The following GMPR variants were observed in gnomAD, a reference collection of about 807,000 sequenced individuals.
GMPR encodes guanosine monophosphate reductase.
In GMPR, 31 loss-of-function variants were observed where a neutral mutation model predicts 38.4. The ratio of observed to expected loss-of-function variants is 0.81; its 90% CI spans 0.61 to 1.09. The LOEUF (loss-of-function observed/expected upper bound fraction) is 1.09. Among genes scored for constraint, GMPR ranks in the 50% least tolerant of loss-of-function variants. GMPR has a pLI of 0.00. For missense variants in GMPR, 468 were observed against 453.7 expected, an observed-to-expected ratio of 1.03 and a Z score of -0.29; for synonymous variants, 162 against 173.3, an observed-to-expected ratio of 0.93 and a Z score of 0.51.
chr6:16,250,521 T>C (rs1300158126), intron 3 of GMPR, among the ~76,000 whole-genome samples, 154 bp downstream of exon 3: 11 of 152,208 alleles, frequency 7.2e-5, no homozygotes, highest in Admixed American at 7.2e-4. Flanking sequence ...TGAGAAAACT[T>C]GTTTCCATAT....
Position 16,250,333 on chromosome 6 carries a change from A to C in GMPR, c.257A>C (p.Lys86Thr), listed in dbSNP as rs1295755544. The stretch of plus-strand genomic sequence containing the variant: ...AAGCATTACTCCCTGGATGACTGGA[A>C]GCTCTTTGCCACAAATCACCCAGAA... ...IHKHYSLDDW[K>T]LFATNHPECL... Residue 86 changes from lysine to threonine, a missense_variant, in exon 3 of 9, where the codon AAG (lysine) becomes ACG (threonine). Coordinates refer to ENST00000259727, the MANE Select transcript of GMPR (RefSeq NM_006877.4). 1 of 1,610,900 alleles carries C rather than the reference A, an allele frequency of 6.2e-7. No homozygotes were observed. The highest frequency in any genetic ancestry group is 8.5e-7 in the Non-Finnish European group (1 of 1,177,032).
At chr6:16,266,666 C>CCGGGCGCAGTGG (rs1227254505) in intron 4 of GMPR, among the ~76,000 whole-genome samples, 2 of 151,242 alleles carry the variant, frequency 1.3e-5, no homozygotes, top group Non-Finnish European at 1.5e-5. Context: ...AAAAAATTAG[C>CCGGGCGCAGTGG]CGGGCGCAGT....
At chr6:16,288,458 C>T (rs573566643) in intron 7 of GMPR, among the ~76,000 whole-genome samples, 4 of 152,318 alleles carry the variant, frequency 2.6e-5, no homozygotes, top group South Asian at 2.1e-4. Context: ...TGGCGCTGCG[C>T]TGGATTTCTG....
At chr6:16,287,401 G>A (rs548737238) in intron 7 of GMPR, among the ~76,000 whole-genome samples, 2 of 152,298 alleles carry the variant, frequency 1.3e-5, no homozygotes, top group South Asian at 4.1e-4. Context: ...GTGCCTTGTA[G>A]ATCACAGTTC....
At chr6:16,268,559 C>T (rs142769295) in intron 4 of GMPR, among the ~76,000 whole-genome samples, 47 of 152,284 alleles carry the variant, frequency 3.1e-4, no homozygotes, top group African/African-American at 9.9e-4. Context: ...GGATTACAGG[C>T]GTGAGCCACC....
At chr6:16,264,563 G>C (rs1346818260) in intron 4 of GMPR, 1 of 152,264 alleles carries the variant, frequency 6.6e-6, no homozygotes, top group East Asian at 1.9e-4. Context: ...GTGCAGGCGG[G>C]CTGAGTCCGA....
chr6:16,291,384 C>T (rs1271573120), intron 8 of GMPR, among the ~76,000 whole-genome samples: 2 of 151,910 alleles, frequency 1.3e-5, no homozygotes, highest in African/African-American at 4.8e-5. Context: ...CCATCATGTC[C>T]AGCTATTTTT....
Position 16,246,899 on chromosome 6 carries a change from C to G in GMPR, c.145C>G (p.Pro49Ala). The stretch of plus-strand genomic sequence containing the variant: ...TTCAAAGCAGACCTACTCAGGGATT[C>G]CCATCATCGTGGCCAACATGGACAC... Reference protein sequence around the residue: ...RNSKQTYSGIPIIVANMDTVG... With the variant: ...RNSKQTYSGIAIIVANMDTVG... Residue 49 changes from proline (P) to alanine (A), a missense_variant, in exon 2 of 9, where the codon CCC becomes GCC. Physicochemically the swap from Pro to Ala is conservative, Grantham distance 27. Coordinates refer to ENST00000259727, the MANE Select transcript of GMPR (RefSeq NM_006877.4). The G allele has an allele frequency of 6.2e-7, 1 of 1,613,444 alleles. No individual in the cohort carries two copies. The highest frequency in any genetic ancestry group is 1.1e-5 in the South Asian group (1 of 91,068).
At chr6:16,288,505 G>A (rs1759745317) in intron 7 of GMPR, among the ~76,000 whole-genome samples, 1 of 152,196 alleles carries the variant, frequency 6.6e-6, no homozygotes, top group Non-Finnish European at 1.5e-5. Flanking sequence ...GGCAGGGCTC[G>A]GGACCTGCCG....
intron 1 of GMPR, among the ~76,000 whole-genome samples, chr6:16,240,460 C>T (rs775082513): frequency 1.7e-4 from 25 of 151,276 alleles, no homozygotes; most frequent in Admixed American, 5.9e-4. Flanking sequence ...CTTGAGCCCA[C>T]GAGCTGGAGA....
chr6:16,270,478 A>G (rs1201258602), intron 4 of GMPR, among the ~76,000 whole-genome samples: 1 of 152,148 alleles, frequency 6.6e-6, no homozygotes, highest in African/African-American at 2.4e-5. Context: ...TAGACTCCTC[A>G]CTTAATCACC....
intron 2 of GMPR, among the ~76,000 whole-genome samples, chr6:16,247,344 G>A (rs756807456): frequency 7.9e-5 from 12 of 151,926 alleles, no homozygotes; most frequent in Middle Eastern, 3.4e-3. Flanking sequence ...TGTATCGAGC[G>A]CTTATGTACG....
chr6:16,238,679 A>T lies in GMPR; in HGVS notation c.-15A>T. On this transcript the variant is annotated 5_prime_UTR_variant, in exon 1 of 9. Transcript: ENST00000259727. ...CCCCGCCGTCGCCGCCGCCGCAGCC[A>T]GGAGCCGCTGCACCATGCCCCGCAT... 2 of 1,311,580 alleles carry T rather than the reference A, an allele frequency of 1.5e-6. No homozygotes were observed. Among genetic ancestry groups the T allele is most frequent in the South Asian group, 2.0e-5 (1 of 49,108 alleles). 81.2% of individuals were successfully genotyped at this position (1,311,580 alleles called of 1,614,324 possible).
intron 4 of GMPR, among the ~76,000 whole-genome samples, chr6:16,266,638 TA>T (rs1299967057): frequency 6.6e-6 from 1 of 151,142 alleles, no homozygotes; most frequent in East Asian, 2.0e-4. Flanking sequence ...CCATCTCTAC[TA>T]AAAGTACAAA....
intron 4 of GMPR, among the ~76,000 whole-genome samples, chr6:16,270,494 C>T (rs1489790376): frequency 6.6e-6 from 1 of 152,206 alleles, no homozygotes; most frequent in Admixed American, 6.5e-5. Flanking sequence ...TCACCCTGAC[C>T]AGCTGCTTCC....
chr6:16,266,662 TTAGCCGGGCGCA>T (rs1228477776), intron 4 of GMPR, among the ~76,000 whole-genome samples: 3 of 150,816 alleles, frequency 2.0e-5, no homozygotes, highest in South Asian at 2.1e-4. Flanking sequence ...AAAGAAAAAA[TTAGCCGGGCGCA>T]GTGGCGGGCG....
intron 4 of GMPR, chr6:16,262,062 G>C (rs575780727): frequency 6.6e-6 from 1 of 151,994 alleles, no homozygotes; most frequent in South Asian, 2.1e-4. Flanking sequence ...AAGAGGCTTA[G>C]AAGCCTGGCC....
intron 4 of GMPR, among the ~76,000 whole-genome samples, chr6:16,266,262 T>C (rs950184628): frequency 1.3e-5 from 2 of 151,680 alleles, no homozygotes; most frequent in Admixed American, 6.6e-5. Flanking sequence ...TAACACTCAC[T>C]GCGAAGGTCT....
chr6:16,287,032 T>C (rs1027243498), intron 7 of GMPR, among the ~76,000 whole-genome samples: 1 of 152,108 alleles, frequency 6.6e-6, no homozygotes, highest in Non-Finnish European at 1.5e-5. Context: ...TCATGAAAAA[T>C]GGTATTTAAC....
Sources: allele counts gnomAD v4.1 joint callset (sites outside exome capture counted in the v4.1 genomes callset), GRCh38; gene constraint gnomAD v4.1.1; transcripts MANE v1.5; gene names NCBI Gene and HGNC (gene_info 2026-07-23, HGNC 2026-07-21).